IQCM: variants seen among roughly 807,000 people sequenced by gnomAD.
IQCM encodes the protein IQ motif containing M.
Under a neutral mutation model 57.6 loss-of-function variants are expected in IQCM, and 45 were observed. The observed-to-expected ratio is 0.78, with a 90% CI of 0.62 to 1.00. The LOEUF (loss-of-function observed/expected upper bound fraction) is 1.00, where lower values mean the gene tolerates loss of function less well. Among genes scored for constraint, IQCM ranks in the 50% least tolerant of loss-of-function variants. IQCM has a pLI of 0.00. For missense variants in IQCM, 468 were observed against 511.6 expected (o/e 0.91, Z 0.82); for synonymous variants, 148 against 158.9 (o/e 0.93, Z 0.51).
chr4:149,593,777 T>C (rs1475551330), intron 8 of IQCM, among the ~76,000 whole-genome samples: 2 of 152,192 alleles, frequency 1.3e-5, no homozygotes, highest in African/African-American at 4.8e-5. Context: ...TTGCATATGT[T>C]GAACCAGCCT....
At chr4:149,792,493 A>G (rs1772727872) in intron 2 of IQCM, among the ~76,000 whole-genome samples, 1 of 152,196 alleles carries the variant, frequency 6.6e-6, no homozygotes, top group Non-Finnish European at 1.5e-5. Context: ...TTATTTTTAC[A>G]AAGTTATATG....
At chr4:149,506,068 G>A (rs1000864035) in intron 12 of IQCM, among the ~76,000 whole-genome samples, 1 of 152,192 alleles carries the variant, frequency 6.6e-6, no homozygotes, top group African/African-American at 2.4e-5. Context: ...TATACAAAGA[G>A]GTACTGACTT....
intron 12 of IQCM, among the ~76,000 whole-genome samples, chr4:149,520,372 G>A (rs1223434431): frequency 6.6e-6 from 1 of 151,944 alleles, no homozygotes; most frequent in Non-Finnish European, 1.5e-5. Context: ...TTCCTGGGTG[G>A]TTCACCATTT....
intron 2 of IQCM, among the ~76,000 whole-genome samples, chr4:149,803,398 G>C (rs914135190): frequency 6.6e-6 from 1 of 151,876 alleles, no homozygotes; most frequent in African/African-American, 2.4e-5. Flanking sequence ...TTCTCTTTGA[G>C]AGAAGGTTGG....
chr4:149,467,076 T>C (rs773802990), intron 12 of IQCM, among the ~76,000 whole-genome samples: 79 of 152,182 alleles, frequency 5.2e-4, no homozygotes, highest in Admixed American at 2.5e-3. Flanking sequence ...TTTCAGACCA[T>C]AGCACAAATT....
At chr4:149,462,435 C>A (rs1433247336) in intron 12 of IQCM, among the ~76,000 whole-genome samples, 1 of 152,146 alleles carries the variant, frequency 6.6e-6, no homozygotes, top group Non-Finnish European at 1.5e-5. Context: ...CCCTGACCAT[C>A]TAAAAACATA....
intron 13 of IQCM, among the ~76,000 whole-genome samples, chr4:149,388,125 T>C (rs1355375575): frequency 1.3e-5 from 2 of 151,878 alleles, no homozygotes; most frequent in East Asian, 3.9e-4. Flanking sequence ...GGAGCTATTA[T>C]GGATAATATT....
chr4:149,356,421 A>G (rs1728985239), intron 13 of IQCM, among the ~76,000 whole-genome samples: 1 of 151,988 alleles, frequency 6.6e-6, no homozygotes, highest in African/African-American at 2.4e-5. Context: ...TAATTTTTGT[A>G]TAAGGTGTAA....
intron 9 of IQCM, among the ~76,000 whole-genome samples, chr4:149,571,213 T>G (rs1472923819): frequency 6.6e-6 from 1 of 152,064 alleles, no homozygotes; most frequent in African/African-American, 2.4e-5. Context: ...GCACCATTAT[T>G]CACAATAGCC....
chr4:149,489,183 G>A (rs1741832802), intron 12 of IQCM, among the ~76,000 whole-genome samples: 1 of 151,984 alleles, frequency 6.6e-6, no homozygotes, highest in Admixed American at 6.6e-5. Flanking sequence ...ATTAAACAAA[G>A]GAAAACATAC....
intron 3 of IQCM, among the ~76,000 whole-genome samples, chr4:149,738,700 T>A (rs976439218): frequency 6.6e-6 from 1 of 152,124 alleles, no homozygotes; most frequent in Non-Finnish European, 1.5e-5. Flanking sequence ...CAATTTCACA[T>A]AGATCCTGAA....
chr4:149,387,451 C>A (rs2111065284), intron 13 of IQCM, among the ~76,000 whole-genome samples: 1 of 152,168 alleles, frequency 6.6e-6, no homozygotes, highest in South Asian at 2.1e-4. Flanking sequence ...GCTTCATTCT[C>A]TGGTGATCTT....
intron 7 of IQCM, among the ~76,000 whole-genome samples, chr4:149,673,080 G>A (rs1334279708): frequency 6.6e-6 from 1 of 152,160 alleles, no homozygotes; most frequent in Non-Finnish European, 1.5e-5. Flanking sequence ...AAGGCTGAGA[G>A]ATTTTGTCAC....
intron 7 of IQCM, among the ~76,000 whole-genome samples, chr4:149,646,678 T>A (rs1171921603): frequency 6.6e-6 from 1 of 152,188 alleles, no homozygotes; most frequent in Non-Finnish European, 1.5e-5. Flanking sequence ...TTCGTTCATT[T>A]ATGTTCAATT....
chr4:149,668,064 G>A (rs895745023), intron 7 of IQCM, among the ~76,000 whole-genome samples: 4 of 152,038 alleles, frequency 2.6e-5, no homozygotes, highest in South Asian at 2.1e-4. Context: ...TCAAAATCAG[G>A]AAATACAGAG....
chr4:149,641,569 A>G (rs1340263264), intron 7 of IQCM, among the ~76,000 whole-genome samples: 1 of 152,142 alleles, frequency 6.6e-6, no homozygotes, highest in East Asian at 1.9e-4. Context: ...AAATGTTCTC[A>G]TTTTTTAAAC....
intron 7 of IQCM, among the ~76,000 whole-genome samples, chr4:149,624,102 C>T (rs964721279): frequency 2.0e-5 from 3 of 151,604 alleles, no homozygotes; most frequent in Admixed American, 6.6e-5. Context: ...AAGTCTTTCA[C>T]TTGCTTTGTA....
intron 2 of IQCM, among the ~76,000 whole-genome samples, chr4:149,795,415 G>A (rs1048867632): frequency 3.3e-5 from 5 of 152,102 alleles, no homozygotes; most frequent in African/African-American, 4.8e-5. Flanking sequence ...AGCCAGAGGG[G>A]AATCACTGAT....
At chr4:149,352,351 C>T (rs1728638674) in intron 13 of IQCM, among the ~76,000 whole-genome samples, 1 of 152,076 alleles carries the variant, frequency 6.6e-6, no homozygotes, top group Non-Finnish European at 1.5e-5. Flanking sequence ...CTGTGGGTTC[C>T]CTGGTAATGG....
Sources: gnomAD v4.1 joint callset for allele counts (sites outside exome capture counted in the v4.1 genomes callset) on GRCh38, gnomAD v4.1.1 for gene constraint, MANE v1.5 for transcripts, NCBI Gene and HGNC (gene_info 2026-07-23, HGNC 2026-07-21) for gene names.